IL1RAPL2: variants seen among roughly 807,000 people sequenced by gnomAD.
IL1RAPL2 encodes the protein X-linked interleukin-1 receptor accessory protein-like 2.
In IL1RAPL2, 3 loss-of-function variants were observed where a neutral mutation model predicts 44.1. The ratio of observed to expected loss-of-function variants is 0.07; its 90% CI spans 0.03 to 0.18. The LOEUF (loss-of-function observed/expected upper bound fraction) is 0.18. Among genes scored for constraint, IL1RAPL2 ranks in the 10% least tolerant of loss-of-function variants. The pLI, the probability that IL1RAPL2 is intolerant of heterozygous loss-of-function variation, is 1.00. For synonymous variants in IL1RAPL2, 181 were observed against 178.8 expected, an observed-to-expected ratio of 1.01 and a Z score of -0.10; for missense variants, 391 against 496.4, an observed-to-expected ratio of 0.79 and a Z score of 2.02.
chrX:104,710,991 A>T (rs941042317), intron 2 of IL1RAPL2, among the ~76,000 whole-genome samples: 1 of 111,546 alleles, frequency 9.0e-6, no homozygotes, highest in African/African-American at 3.2e-5. Flanking sequence ...TCAACTGTAA[A>T]ACAGCCTCAG....
At chrX:105,309,051 T>C (rs995234413) in intron 5 of IL1RAPL2, among the ~76,000 whole-genome samples, 1 of 110,791 alleles carries the variant, frequency 9.0e-6, no homozygotes, top group African/African-American at 3.3e-5. Context: ...AATTAATTTT[T>C]GAGATGGAGT....
chrX:105,035,877 G>A (rs1043005134), intron 2 of IL1RAPL2, among the ~76,000 whole-genome samples: 4 of 112,161 alleles, frequency 3.6e-5, no homozygotes, highest in Non-Finnish European at 7.5e-5. Context: ...TAAGTTTGCT[G>A]AGCATCTTTT....
chrX:105,600,083 T>C (rs2037239649), intron 6 of IL1RAPL2, among the ~76,000 whole-genome samples: 1 of 111,262 alleles, frequency 9.0e-6, no homozygotes, highest in Non-Finnish European at 1.9e-5. Flanking sequence ...TATCTTGATA[T>C]ACAAACATAT....
chrX:105,724,891 G>T (rs768051946), intron 7 of IL1RAPL2, among the ~76,000 whole-genome samples: 1 of 111,111 alleles, frequency 9.0e-6, no homozygotes, highest in South Asian at 3.8e-4. Flanking sequence ...GAGAGTACCC[G>T]CACAATGTCC....
At chrX:105,037,371 G>A (rs779557962) in intron 2 of IL1RAPL2, among the ~76,000 whole-genome samples, 6 of 110,315 alleles carry the variant, frequency 5.4e-5, no homozygotes, top group African/African-American at 1.7e-4. Context: ...TTCTTGTCAC[G>A]GAAAAGATAG....
chrX:105,594,366 T>C (rs1268769130), intron 6 of IL1RAPL2, among the ~76,000 whole-genome samples: 2 of 111,907 alleles, frequency 1.8e-5, no homozygotes, highest in African/African-American at 3.2e-5. Context: ...AGCAGAATAA[T>C]TGGCATGACT....
intron 2 of IL1RAPL2, among the ~76,000 whole-genome samples, chrX:104,960,015 T>G (rs2029974809): frequency 8.9e-6 from 1 of 112,221 alleles, no homozygotes; most frequent in Non-Finnish European, 1.9e-5. Flanking sequence ...CATTATTATT[T>G]TAAGTCTTTG....
intron 2 of IL1RAPL2, among the ~76,000 whole-genome samples, chrX:104,827,491 T>C (rs1279726658): frequency 8.9e-6 from 1 of 111,938 alleles, no homozygotes; most frequent in African/African-American, 3.2e-5. Context: ...CACAGAGAGA[T>C]CCACTGTTAG....
At chrX:105,126,026 A>G in intron 2 of IL1RAPL2, among the ~76,000 whole-genome samples, 1 of 111,468 alleles carries the variant, frequency 9.0e-6, no homozygotes, top group Non-Finnish European at 1.9e-5. Context: ...AGTGTAAGAA[A>G]TTCTTAGACA....
intron 2 of IL1RAPL2, among the ~76,000 whole-genome samples, chrX:105,043,246 A>G (rs1658531972): frequency 9.0e-6 from 1 of 110,545 alleles, no homozygotes; most frequent in African/African-American, 3.3e-5. Flanking sequence ...TAAAAAAAGA[A>G]AAAGAGAGTA....
chrX:105,060,162 T>C (rs2032053376), intron 2 of IL1RAPL2, among the ~76,000 whole-genome samples: 1 of 111,837 alleles, frequency 8.9e-6, no homozygotes, highest in Non-Finnish European at 1.9e-5. Flanking sequence ...AATTAGATGA[T>C]ATGTAATTGT....
At chrX:104,707,951 C>T (rs1220192267) in intron 2 of IL1RAPL2, among the ~76,000 whole-genome samples, 1 of 111,784 alleles carries the variant, frequency 8.9e-6, no homozygotes, top group East Asian at 2.8e-4. Context: ...TTGTCACCCT[C>T]CCCACTATTT....
intron 3 of IL1RAPL2, among the ~76,000 whole-genome samples, chrX:105,209,417 T>C (rs782346264): frequency 4.5e-5 from 5 of 112,124 alleles, no homozygotes; most frequent in African/African-American, 9.7e-5. Flanking sequence ...CTTGTTGTTA[T>C]CTCAAATGGC....
rs774472842 is a variant in IL1RAPL2 at position 104,905,281 on chromosome X, T to C, written c.82+246286T>C. 2.7e-3 allele frequency among the ~76,000 whole-genome samples: 302 copies of C among 111,947 alleles called. 1 individual carries two copies. Among genetic ancestry groups the C allele is most frequent in the African/African-American group, 9.2e-3 (283 of 30,823 alleles). ...CTGTTCACTCTAATGGTAGTTTCTT[T>C]TGCTGTGCAGAAGCTCTTTAGTTTA... On this transcript the variant is annotated intron_variant, in intron 2 of 10. Coordinates refer to ENST00000372582, the MANE Select transcript of IL1RAPL2 (RefSeq NM_017416.2).
intron 5 of IL1RAPL2, among the ~76,000 whole-genome samples, chrX:105,481,494 T>C (rs1316268909): frequency 8.9e-6 from 1 of 112,166 alleles, no homozygotes; most frequent in Non-Finnish European, 1.9e-5. Context: ...ACATCCATAG[T>C]CCATGGCGGA....
chrX:105,180,356 C>CAAA (rs1310886856), intron 2 of IL1RAPL2, among the ~76,000 whole-genome samples: 3 of 98,975 alleles, frequency 3.0e-5, no homozygotes, highest in African/African-American at 1.2e-4. Flanking sequence ...AAAACAAAAA[C>CAAA]AAAAAAAAAA....
intron 5 of IL1RAPL2, among the ~76,000 whole-genome samples, chrX:105,378,810 G>T (rs978298066): frequency 8.9e-6 from 1 of 111,744 alleles, no homozygotes; most frequent in Non-Finnish European, 1.9e-5. Context: ...AGTAAAAAAT[G>T]CATCAGCTTT....
chrX:105,081,453 G>A (rs184191653), intron 2 of IL1RAPL2, among the ~76,000 whole-genome samples: 1 of 111,416 alleles, frequency 9.0e-6, no homozygotes, highest in East Asian at 2.8e-4. Flanking sequence ...GTTAAAATCT[G>A]TTATTCTCAT....
rs2035965023 is a variant in IL1RAPL2 at position 105,447,124 on chromosome X, TAAATATATATATGA to T, written c.698-37187_698-37174del. On this transcript the variant is annotated intron_variant, in intron 5 of 10. Transcript: ENST00000372582. Reference sequence around the variant, plus strand: ...ATATATATAAAAATATATATAAATATAAATATATATATGAATATAAATATATATAAATATAAATA... The same window carrying T: ...ATATATATAAAAATATATATAAATATATATAAATATATATAAATATAAATA... Among the ~76,000 whole-genome samples the T allele has an allele frequency of 3.9e-4, 23 of 58,499 alleles. 2 individuals are homozygous for T. The highest frequency in any genetic ancestry group is 1.6e-3 in the South Asian group (2 of 1,220). The allele number at this position is 58,499 out of a possible 115,157, so 50.8% of individuals were successfully genotyped here. A position where few individuals can be genotyped will look rare whatever the true frequency, so the allele number is the denominator to read the frequency against.
Sources: allele counts gnomAD v4.1 joint callset (sites outside exome capture counted in the v4.1 genomes callset), GRCh38; gene constraint gnomAD v4.1.1; transcripts MANE v1.5; gene names NCBI Gene and HGNC (gene_info 2026-07-23, HGNC 2026-07-21).